Variants in PPL observed in about 807,000 individuals in gnomAD.
The protein encoded by PPL is periplakin.
In PPL, 198 loss-of-function variants were observed where a neutral mutation model predicts 194.4. The ratio of observed to expected loss-of-function variants is 1.02; its 90% CI spans 0.91 to 1.15. PPL has a LOEUF of 1.15. PPL is among the 50% of genes most tolerant of loss of function. The probability of loss-of-function intolerance (pLI) is 0.00; values close to 1 mark genes in which losing one functional copy is unlikely to be tolerated. For synonymous variants in PPL, 1,220 were observed against 972.4 expected, an observed-to-expected ratio of 1.25 and a Z score of -4.74; for missense variants, 2,885 against 2,294.8, an observed-to-expected ratio of 1.26 and a Z score of -5.25.
chr16:4,890,971 GC>G, intron 16 of PPL, 50 bp from the exon 17 acceptor site: 2 of 1,450,374 alleles, frequency 1.4e-6, no homozygotes, highest in South Asian at 2.8e-5. Context: ...AGCTCCCAGA[GC>G]CAGGCGATGA....
chr16:4,905,998 C>T (rs2088674357), intron 2 of PPL, among the ~76,000 whole-genome samples: 1 of 152,062 alleles, frequency 6.6e-6, no homozygotes, highest in African/African-American at 2.4e-5. Flanking sequence ...GTCCTAGCTA[C>T]TCAGGACGCT....
rs1278127245 is a variant in PPL, at chr16:4,900,822, C to T, written c.606+8G>A. On this transcript the variant is annotated splice_region_variant and intron_variant, in intron 6 of 21. Coordinates refer to ENST00000345988, the MANE Select transcript of PPL (RefSeq NM_002705.5). ...CCCATGAGGCCTTTCCCCCAGGGAG[C>T]TCCTCACCAGCAGTTTCTGGTACTT... 1 of 1,614,134 alleles carries T rather than the reference C, an allele frequency of 6.2e-7. No homozygotes were observed. Among genetic ancestry groups the T allele is most frequent in the South Asian group, 1.1e-5 (1 of 91,084 alleles).
At chr16:4,900,761 GT>G in intron 6 of PPL, 68 bp downstream of exon 6, 1 of 1,598,830 alleles carries the variant, frequency 6.3e-7, no homozygotes, top group Non-Finnish European at 8.6e-7. Flanking sequence ...ATACATCCTT[GT>G]CCCCCCGACT....
intron 15 of PPL, 29 bp from the exon 16 acceptor site, chr16:4,891,978 T>TGG (rs1405179344): frequency 6.2e-7 from 1 of 1,611,104 alleles, no homozygotes; most frequent in Admixed American, 1.7e-5. Flanking sequence ...CGTCGGGGGA[T>TGG]GCCCACCTGG....
In PPL at chr16:4,890,948, G is replaced by A. The variant is rs368458466; in HGVS notation, c.1969-27C>T. 1.5e-5 allele frequency: 22 copies of A among 1,490,048 alleles called. No individual in the cohort carries two copies. In the African/African-American group the frequency reaches 3.1e-4, roughly 21 times the overall value. 92.3% of individuals were successfully genotyped at this position (1,490,048 alleles called of 1,614,324 possible). On this transcript the variant is annotated intron_variant, in intron 16 of 21. Transcript: ENST00000345988. ...TGGCGGGGCAGAGGAGGAGACGGCG[G>A]TGCTACGGCCAGAGCTCCCAGAGCC...
intron 1 of PPL, among the ~76,000 whole-genome samples, chr16:4,911,357 C>T (rs1405725624): frequency 4.0e-5 from 6 of 151,840 alleles, no homozygotes; most frequent in African/African-American, 9.7e-5. Flanking sequence ...AGATGGGGTT[C>T]CACCATGTTG....
intron 1 of PPL, among the ~76,000 whole-genome samples, chr16:4,935,332 G>A (rs771754180): frequency 2.6e-5 from 4 of 152,158 alleles, no homozygotes; most frequent in African/African-American, 4.8e-5. Flanking sequence ...AGGGCGGGGC[G>A]AGGCCTGGCC....
chr16:4,892,245 A>G, intron 14 of PPL, 32 bp from the exon 15 acceptor site: 1 of 1,592,108 alleles, frequency 6.3e-7, no homozygotes, highest in Non-Finnish European at 8.6e-7. Context: ...AGTTTTGGAC[A>G]CAGCCAGGCA....
intron 1 of PPL, among the ~76,000 whole-genome samples, chr16:4,928,617 C>A (rs992903584): frequency 2.6e-5 from 4 of 152,216 alleles, no homozygotes; most frequent in African/African-American, 9.6e-5. Context: ...TCTGCCTTCG[C>A]CATGGCGATG....
At chr16:4,910,207 T>C (rs2088791134) in intron 2 of PPL, among the ~76,000 whole-genome samples, 1 of 152,200 alleles carries the variant, frequency 6.6e-6, no homozygotes. Context: ...GGAAAGTGAT[T>C]TGCCCAGCTA....
Position 4,892,175 on chromosome 16 carries a change from C to G in PPL, c.1689G>C (p.Lys563Asn). The G allele has an allele frequency of 6.2e-7, 1 of 1,613,778 alleles. No homozygotes were observed. The highest frequency in any genetic ancestry group is 8.5e-7 in the Non-Finnish European group (1 of 1,179,958). The change falls in exon 15 of 22, where the codon AAG (lysine) becomes AAC (asparagine). Residue 563 changes from lysine to asparagine, a missense_variant. Coordinates refer to ENST00000345988, the MANE Select transcript of PPL (RefSeq NM_002705.5). ...TNELLRIEPE[K>N]TRSTAEGEAF... ...CTTCGCCCTCAGCCGTGCTCCGCGT[C>G]TTCTCAGGTTCAATCCGCAGTAGCT...
At chr16:4,909,194 A>T (rs1186131497) in intron 2 of PPL, among the ~76,000 whole-genome samples, 4 of 152,006 alleles carry the variant, frequency 2.6e-5, no homozygotes, top group African/African-American at 7.2e-5. Flanking sequence ...CAGAGTCTCC[A>T]CTTATCTGCC....
intron 1 of PPL, among the ~76,000 whole-genome samples, chr16:4,932,507 T>C (rs1296224904): frequency 6.6e-6 from 1 of 151,804 alleles, no homozygotes; most frequent in Admixed American, 6.6e-5. Context: ...CCTCCCAGGT[T>C]CAAGTGATTC....
chr16:4,910,079 G>C (rs1276020775), intron 2 of PPL, among the ~76,000 whole-genome samples: 1 of 152,174 alleles, frequency 6.6e-6, no homozygotes, highest in East Asian at 1.9e-4. Context: ...GGTTTAAAGA[G>C]AAGGTGACCA....
At position 4,890,772 on chromosome 16, in the gene PPL, C is replaced by A. The variant is rs574454892; in HGVS notation, c.2118G>T (p.Lys706Asn). Residue 706 changes from lysine (K) to asparagine (N), a missense_variant, in exon 17 of 22, where the codon AAG (lysine) becomes AAT (asparagine). Lys to Asn is a moderately conservative substitution (Grantham distance 94). Transcript: ENST00000345988. ...DLERQEAEVH[K>N]LGQRFNNLRQ... ...GCAGGTTGTTGAAACGCTGGCCCAG[C>A]TTGTGCACCTCGGCCTCCTGGCGCT... is the stretch of plus-strand genomic sequence containing the variant. 2 of 1,609,900 alleles carry A rather than the reference C, an allele frequency of 1.2e-6. No individual in the cohort carries two copies. The highest frequency in any genetic ancestry group is 2.7e-5 in the African/African-American group (2 of 75,034).
chr16:4,916,056 G>T (rs531863524), intron 1 of PPL, among the ~76,000 whole-genome samples: 1 of 152,180 alleles, frequency 6.6e-6, no homozygotes, highest in Non-Finnish European at 1.5e-5. Flanking sequence ...AATAACAAGT[G>T]TTGGCAAAAA....
At position 4,884,030 on chromosome 16, in the gene PPL, G is replaced by T. The variant is rs745836696; in HGVS notation, c.4625C>A (p.Ala1542Asp). ...ATGGAATTCCAGCTCCGAAAGCCTG[G>T]CTTCCAGCCGGCTCACCTCGACGTC... ...ELDVEVSRLE[A>D]RLSELEFHNS... Residue 1542 changes from alanine (A) to aspartate (D), a missense_variant, in exon 22 of 22, where the codon GCC (alanine) becomes GAC (aspartate). Ala to Asp is a moderately radical substitution (Grantham distance 126). Coordinates refer to ENST00000345988, the MANE Select transcript of PPL (RefSeq NM_002705.5). The surrounding 1 kb of genome is among the most constrained non-coding windows in gnomAD (Gnocchi z 5.7). 3 of 1,613,654 alleles carry T rather than the reference G, an allele frequency of 1.9e-6. No homozygotes were observed. Among genetic ancestry groups the T allele is most frequent in the Non-Finnish European group, 2.5e-6 (3 of 1,180,030 alleles).
chr16:4,888,676 T>C, intron 19 of PPL: 1 of 426,508 alleles, frequency 2.3e-6, no homozygotes, highest in Non-Finnish European at 4.2e-6. Flanking sequence ...TTTGCTATTG[T>C]AAATAGTGCT....
chr16:4,893,284 C>G lies in PPL; in HGVS notation c.1579G>C (p.Gly527Arg). 6.2e-7 allele frequency: 1 copy of G among 1,603,376 alleles called. No individual in the cohort carries two copies. Among genetic ancestry groups the G allele is most frequent in the South Asian group, 1.1e-5 (1 of 89,940 alleles). The change falls in exon 14 of 22, where the codon GGG (glycine) becomes CGG (arginine). Residue 527 changes from glycine (G) to arginine (R), a missense_variant. Coordinates refer to ENST00000345988, the MANE Select transcript of PPL (RefSeq NM_002705.5). ...DLDRQEKAIT[G>R]ILRPPLEQGR... ...TGCTCCAGTGGTGGCCGCAGGATCC[C>G]TGTGATGGCCTTCTCCTGCCGGTCC...
Sources: gnomAD v4.1 joint callset for allele counts (sites outside exome capture counted in the v4.1 genomes callset) on GRCh38, gnomAD v4.1.1 for gene constraint, Gnocchi (gnomAD v3.1) non-coding constraint, MANE v1.5 for transcripts, NCBI Gene and HGNC (gene_info 2026-07-23, HGNC 2026-07-21) for gene names.